Variants in TECRL observed in about 807,000 individuals in gnomAD.
TECRL encodes trans-2,3-enoyl-CoA reductase like.
Under a neutral mutation model 52.8 loss-of-function variants are expected in TECRL, and 63 were observed. The ratio of observed to expected loss-of-function variants is 1.19; its 90% CI spans 0.97 to 1.47. The LOEUF (loss-of-function observed/expected upper bound fraction) is 1.47. TECRL is among the 40% of genes most tolerant of loss of function. TECRL has a pLI of 0.00. For missense variants in TECRL, 482 were observed against 429.6 expected (o/e 1.12, Z -1.08); for synonymous variants, 164 against 141.9 (o/e 1.16, Z -1.10).
intron 1 of TECRL, among the ~76,000 whole-genome samples, chr4:64,382,191 GTATATATATATATA>G (rs200934355): frequency 0.05 from 670 of 13,320 alleles, 9 homozygotes; most frequent in African/African-American, 0.076. Flanking sequence ...GGAAATTTCT[GTATATATATATATA>G]TATATATATA....
chr4:64,373,335 T>C (rs1286180525), intron 2 of TECRL, among the ~76,000 whole-genome samples: 9 of 151,804 alleles, frequency 5.9e-5, no homozygotes, highest in Non-Finnish European at 1.2e-4. Context: ...CTATCAATAA[T>C]TCTTGCCCTG....
At chr4:64,299,914 GT>G in intron 8 of TECRL, 59 bp downstream of exon 8, 1 of 1,002,822 alleles carries the variant, frequency 1.0e-6, no homozygotes, top group Non-Finnish European at 1.4e-6. Context: ...GATACAGTCT[GT>G]TTTTCTTAAT....
intron 3 of TECRL, among the ~76,000 whole-genome samples, chr4:64,323,710 G>C (rs1250135187): frequency 6.6e-6 from 1 of 152,130 alleles, no homozygotes; most frequent in Non-Finnish European, 1.5e-5. Flanking sequence ...AATATATTTG[G>C]AACATAGCCT....
chr4:64,361,512 T>A lies in TECRL; in HGVS notation c.286+13660A>T, dbSNP rs78476998. On this transcript the variant is annotated intron_variant, in intron 2 of 11. Coordinates refer to ENST00000381210, the MANE Select transcript of TECRL (RefSeq NM_001010874.5). Reference sequence around the variant, plus strand: ...GAACATCTTGGACCCTCCAGCACAGTACACACTTAACCTTGAGAGGTCAAA... The same window carrying A: ...GAACATCTTGGACCCTCCAGCACAGAACACACTTAACCTTGAGAGGTCAAA... Among the ~76,000 whole-genome samples, 1,058 of 152,182 alleles carry A rather than the reference T, an allele frequency of 7.0e-3. 15 individuals carry two copies. The highest frequency in any genetic ancestry group is 0.036 in the East Asian group (187 of 5,158).
chr4:64,359,281 T>A (rs1289870687), intron 2 of TECRL, among the ~76,000 whole-genome samples: 1 of 151,914 alleles, frequency 6.6e-6, no homozygotes, highest in East Asian at 1.9e-4. Flanking sequence ...TGTGGGTATA[T>A]TTTTTAAAAT....
chr4:64,335,866 C>T (rs1392911661), intron 2 of TECRL, among the ~76,000 whole-genome samples: 1 of 152,048 alleles, frequency 6.6e-6, no homozygotes, highest in Non-Finnish European at 1.5e-5. Context: ...GGGATGAAAC[C>T]CACTTGATCA....
chr4:64,291,724 G>C (rs1723401171), intron 8 of TECRL, among the ~76,000 whole-genome samples: 1 of 151,834 alleles, frequency 6.6e-6, no homozygotes, highest in Non-Finnish European at 1.5e-5. Context: ...GGTTTAGTTA[G>C]AGCCTGGATA....
intron 1 of TECRL, among the ~76,000 whole-genome samples, chr4:64,401,346 T>A (rs757767720): frequency 1.6e-4 from 25 of 152,146 alleles, no homozygotes; most frequent in Non-Finnish European, 8.8e-5. Flanking sequence ...GCTTATTACT[T>A]TCCTGCCTCT....
intron 1 of TECRL, among the ~76,000 whole-genome samples, chr4:64,403,315 C>A (rs1724485969): frequency 6.6e-6 from 1 of 151,428 alleles, no homozygotes; most frequent in South Asian, 2.1e-4. Context: ...AGCCAAAGGT[C>A]TAATGGTTAA....
At position 64,280,034 on chromosome 4, in the gene TECRL, A is replaced by T. The variant is rs757706380; in HGVS notation, c.*38T>A. 2 of 1,557,740 alleles carry T rather than the reference A, an allele frequency of 1.3e-6. No homozygotes were observed. The highest frequency in any genetic ancestry group is 2.4e-5 in the South Asian group (2 of 83,754). The stretch of plus-strand genomic sequence containing the variant: ...TAACTAAGTCTTATTTATTGAATTT[A>T]TATGTTGCTGTTTTCTATAGGAGAT... On this transcript the variant is annotated 3_prime_UTR_variant, in exon 12 of 12. Transcript: ENST00000381210.
chr4:64,294,597 A>G (rs1723576730), intron 8 of TECRL, among the ~76,000 whole-genome samples: 1 of 152,100 alleles, frequency 6.6e-6, no homozygotes, highest in Non-Finnish European at 1.5e-5. Context: ...ACTTGCTTTC[A>G]CGGACAAAAA....
chr4:64,387,521 C>T (rs892781717), intron 1 of TECRL, among the ~76,000 whole-genome samples: 9 of 152,106 alleles, frequency 5.9e-5, no homozygotes, highest in Non-Finnish European at 8.8e-5. Context: ...TTTTGCATTC[C>T]TAAAAGCAAT....
chr4:64,328,393 G>GA, intron 3 of TECRL, 119 bp downstream of exon 3: 2 of 741,666 alleles, frequency 2.7e-6, no homozygotes, highest in Non-Finnish European at 4.2e-6. Context: ...TTTGTTGGGC[G>GA]AATCAATTAA....
intron 6 of TECRL, among the ~76,000 whole-genome samples, chr4:64,306,714 C>A (rs899452644): frequency 6.6e-6 from 1 of 152,142 alleles, no homozygotes; most frequent in Admixed American, 6.6e-5. Context: ...CTATTTCTCC[C>A]TGGGTGACTA....
intron 2 of TECRL, among the ~76,000 whole-genome samples, chr4:64,340,735 T>G (rs1719509680): frequency 6.6e-6 from 1 of 152,180 alleles, no homozygotes; most frequent in Non-Finnish European, 1.5e-5. Context: ...AGGCCTCATC[T>G]TCAGGCCGTG....
At chr4:64,407,045 TC>T (rs1724779889) in intron 1 of TECRL, among the ~76,000 whole-genome samples, 1 of 152,008 alleles carries the variant, frequency 6.6e-6, no homozygotes, top group Non-Finnish European at 1.5e-5. Flanking sequence ...AAGACTTTTT[TC>T]TCTGAAGTGT....
chr4:64,376,759 C>T (rs1030495304), intron 1 of TECRL, among the ~76,000 whole-genome samples: 2 of 151,956 alleles, frequency 1.3e-5, no homozygotes, highest in Non-Finnish European at 2.9e-5. Flanking sequence ...ATGTGTTCCT[C>T]TCACACTTTA....
chr4:64,315,376 T>A (rs73228575), intron 4 of TECRL, among the ~76,000 whole-genome samples: 3,770 of 152,166 alleles, frequency 0.025, 174 homozygotes, highest in African/African-American at 0.085. Context: ...ACTAACAATA[T>A]TTGGAAAGGT....
intron 2 of TECRL, among the ~76,000 whole-genome samples, chr4:64,343,782 GTTGA>G (rs1719749966): frequency 1.3e-5 from 2 of 151,944 alleles, no homozygotes; most frequent in Admixed American, 6.6e-5. Context: ...AATCTTGCTG[GTTGA>G]TTGCTGATAC....
Sources: gnomAD v4.1 joint callset for allele counts (sites outside exome capture counted in the v4.1 genomes callset) on GRCh38, gnomAD v4.1.1 for gene constraint, MANE v1.5 for transcripts, NCBI Gene and HGNC (gene_info 2026-07-23, HGNC 2026-07-21) for gene names.